Variants in ARHGAP26 observed in about 807,000 individuals in gnomAD.
ARHGAP26 encodes the protein Rho GTPase activating protein 26.
In ARHGAP26, 38 loss-of-function variants were observed where a neutral mutation model predicts 104.8. The observed-to-expected ratio is 0.36, with a 90% CI of 0.28 to 0.48. ARHGAP26 has a LOEUF of 0.48. Among genes scored for constraint, ARHGAP26 ranks in the 20% least tolerant of loss-of-function variants. The probability of loss-of-function intolerance (pLI) is 0.99; values close to 1 mark genes in which losing one functional copy is unlikely to be tolerated. For synonymous variants in ARHGAP26, 341 were observed against 340.0 expected, an observed-to-expected ratio of 1.00 and a Z score of -0.03; for missense variants, 704 against 947.9, an observed-to-expected ratio of 0.74 and a Z score of 3.38.
chr5:143,018,800 G>A (rs1779922470), intron 12 of ARHGAP26, among the ~76,000 whole-genome samples: 1 of 152,096 alleles, frequency 6.6e-6, no homozygotes, highest in Non-Finnish European at 1.5e-5. Flanking sequence ...TTTGAGGTTT[G>A]ACTTGGGTAT....
At chr5:142,832,263 A>G (rs1454249762) in intron 1 of ARHGAP26, among the ~76,000 whole-genome samples, 2 of 152,198 alleles carry the variant, frequency 1.3e-5, no homozygotes, top group East Asian at 3.9e-4. Context: ...CAATATAACT[A>G]CTTGGAGATA....
chr5:142,934,913 A>T (rs1196133290), intron 11 of ARHGAP26, among the ~76,000 whole-genome samples: 2 of 152,174 alleles, frequency 1.3e-5, no homozygotes, highest in Non-Finnish European at 2.9e-5. Flanking sequence ...TCATTTTTAA[A>T]TGTTAAATTT....
rs1442945574 is a variant in ARHGAP26, at chr5:143,185,076, C to A, written c.1989-22122C>A. Among the ~76,000 whole-genome samples the A allele has an allele frequency of 2.6e-5, 4 of 152,256 alleles. No homozygotes were observed. In the East Asian group the frequency reaches 7.7e-4, roughly 29 times the overall value. ...ACAATACTGATGGTTGGGTAGTTTT[C>A]ACACAGCCATGAACTACAATGCAAC... On this transcript the variant is annotated intron_variant, in intron 20 of 22. Coordinates refer to ENST00000645722, the MANE Select transcript of ARHGAP26 (RefSeq NM_001135608.3).
rs76910677 is a variant in ARHGAP26 at position 143,005,793 on chromosome 5, A to G, written c.1108-8287A>G. The stretch of plus-strand genomic sequence containing the variant: ...AAGCAGCAGTTTTTATTCACCAGCA[A>G]GAACGCTTCCGGGGCTGTTAAAAGA... On this transcript the variant is annotated intron_variant, in intron 11 of 22. Coordinates refer to ENST00000645722, the MANE Select transcript of ARHGAP26 (RefSeq NM_001135608.3). Among the ~76,000 whole-genome samples the G allele has an allele frequency of 3.3e-5, 5 of 152,334 alleles. No individual in the cohort carries two copies. The East Asian group carries it at 9.6e-4, about 29-fold the overall frequency.
At chr5:142,844,392 T>A (rs1399044846) in intron 1 of ARHGAP26, among the ~76,000 whole-genome samples, 1 of 151,824 alleles carries the variant, frequency 6.6e-6, no homozygotes, top group Non-Finnish European at 1.5e-5. Context: ...TTTCCATGAA[T>A]GAGTTAGCAG....
intron 20 of ARHGAP26, among the ~76,000 whole-genome samples, chr5:143,198,270 C>G (rs1467204818): frequency 1.3e-5 from 2 of 152,208 alleles, no homozygotes; most frequent in East Asian, 3.8e-4. Flanking sequence ...CTATTCAGAT[C>G]TTTTGAGATA....
At chr5:143,108,750 A>G (rs1794393591) in intron 17 of ARHGAP26, among the ~76,000 whole-genome samples, 1 of 152,176 alleles carries the variant, frequency 6.6e-6, no homozygotes, top group Admixed American at 6.5e-5. Context: ...ATGCTTCTTT[A>G]TCAGTCTGTC....
intron 14 of ARHGAP26, among the ~76,000 whole-genome samples, chr5:143,045,306 A>G (rs1236697525): frequency 1.3e-5 from 2 of 152,252 alleles, no homozygotes; most frequent in South Asian, 2.1e-4. Context: ...CTGAGATCCA[A>G]CCAGAGCTGC....
At chr5:142,981,421 T>G (rs1773923506) in intron 11 of ARHGAP26, among the ~76,000 whole-genome samples, 1 of 152,206 alleles carries the variant, frequency 6.6e-6, no homozygotes, top group African/African-American at 2.4e-5. Context: ...AAATGTAGTC[T>G]AAATGCCCTG....
chr5:142,998,314 A>G (rs2152775939), intron 11 of ARHGAP26, among the ~76,000 whole-genome samples: 1 of 152,306 alleles, frequency 6.6e-6, no homozygotes, highest in African/African-American at 2.4e-5. Flanking sequence ...GGAGAGGTGG[A>G]CATTTAAAGG....
chr5:142,960,776 A>T (rs114904279), intron 11 of ARHGAP26, among the ~76,000 whole-genome samples: 1,725 of 152,330 alleles, frequency 0.011, 24 homozygotes, highest in African/African-American at 0.027. Context: ...CTCTGGTGTG[A>T]TCAGAAAGGC....
chr5:142,984,733 C>G (rs938823275), intron 11 of ARHGAP26, among the ~76,000 whole-genome samples: 3 of 152,084 alleles, frequency 2.0e-5, no homozygotes, highest in Admixed American at 2.0e-4. Context: ...GCTGTTGTAG[C>G]CGTCATATTA....
At chr5:143,023,168 T>C (rs1780574810) in intron 12 of ARHGAP26, among the ~76,000 whole-genome samples, 1 of 152,240 alleles carries the variant, frequency 6.6e-6, no homozygotes, top group African/African-American at 2.4e-5. Context: ...GTTGTTTCTG[T>C]ACATCCACTC....
At chr5:142,943,158 T>C (rs1361352419) in intron 11 of ARHGAP26, among the ~76,000 whole-genome samples, 1 of 152,242 alleles carries the variant, frequency 6.6e-6, no homozygotes, top group East Asian at 1.9e-4. Flanking sequence ...TCATAGTATC[T>C]GGCACAGAGT....
At chr5:143,029,391 AGTTTTT>A (rs1781530126) in intron 12 of ARHGAP26, among the ~76,000 whole-genome samples, 1 of 96,782 alleles carries the variant, frequency 1.0e-5, no homozygotes, top group African/African-American at 3.7e-5. Context: ...TTTACTTCTC[AGTTTTT>A]TTTTTTTTTT....
intron 1 of ARHGAP26, among the ~76,000 whole-genome samples, chr5:142,827,533 A>T (rs1767531767): frequency 6.6e-6 from 1 of 152,162 alleles, no homozygotes; most frequent in Non-Finnish European, 1.5e-5. Flanking sequence ...TTAGGTAACT[A>T]TGTAGAGTGT....
intron 20 of ARHGAP26, among the ~76,000 whole-genome samples, chr5:143,174,294 G>C (rs562038784): frequency 6.6e-6 from 1 of 152,172 alleles, no homozygotes; most frequent in African/African-American, 2.4e-5. Context: ...GCAACTTTTC[G>C]TGTAATGATG....
At chr5:143,190,753 T>G (rs141896465) in intron 20 of ARHGAP26, among the ~76,000 whole-genome samples, 111 of 152,302 alleles carry the variant, frequency 7.3e-4, no homozygotes, top group African/African-American at 2.6e-3. Context: ...AAAATATATT[T>G]GCAAATATTA....
intron 22 of ARHGAP26, among the ~76,000 whole-genome samples, chr5:143,222,041 G>A (rs1160754108): frequency 6.6e-6 from 1 of 152,126 alleles, no homozygotes; most frequent in Non-Finnish European, 1.5e-5. Flanking sequence ...GTTTAAACCA[G>A]GAGCTTCAGA....
Sources: allele counts gnomAD v4.1 joint callset (sites outside exome capture counted in the v4.1 genomes callset), GRCh38; gene constraint gnomAD v4.1.1; transcripts MANE v1.5; gene names NCBI Gene and HGNC (gene_info 2026-07-23, HGNC 2026-07-21).